The following IPMK variants were observed in gnomAD, a reference collection of about 807,000 sequenced individuals.
The protein encoded by IPMK is inositol 1,3,4,6-tetrakisphosphate 5-kinase.
A neutral mutation model predicts 45.8 loss-of-function variants in IPMK; 17 were observed. The observed-to-expected ratio is 0.37, with a 90% CI of 0.25 to 0.56. The LOEUF is 0.56. IPMK is among the 20% of genes least tolerant of loss of function. The probability of loss-of-function intolerance (pLI) is 0.79; values close to 1 mark genes in which losing one functional copy is unlikely to be tolerated. For synonymous variants in IPMK, 180 were observed against 184.3 expected, an observed-to-expected ratio of 0.98 and a Z score of 0.19; for missense variants, 399 against 498.0, an observed-to-expected ratio of 0.80 and a Z score of 1.89.
intron 3 of IPMK, among the ~76,000 whole-genome samples, chr10:58,218,149 T>C (rs1729884715): frequency 6.6e-6 from 1 of 152,202 alleles, no homozygotes; most frequent in Non-Finnish European, 1.5e-5. Context: ...AAAAAGTTAC[T>C]GCAGTCCAAG....
At chr10:58,239,142 C>T (rs1477292847) in intron 1 of IPMK, among the ~76,000 whole-genome samples, 2 of 151,926 alleles carry the variant, frequency 1.3e-5, no homozygotes, top group Admixed American at 6.6e-5. Context: ...GAGCGAGAGC[C>T]CCTCTCTAAA....
At chr10:58,201,611 C>A (rs763229224) in intron 4 of IPMK, among the ~76,000 whole-genome samples, 3 of 151,820 alleles carry the variant, frequency 2.0e-5, no homozygotes, top group Non-Finnish European at 4.4e-5. Flanking sequence ...AATTAGTAAC[C>A]CTCCAATTAA....
chr10:58,242,368 G>A (rs541149330), intron 1 of IPMK, among the ~76,000 whole-genome samples: 216 of 151,820 alleles, frequency 1.4e-3, no homozygotes, highest in African/African-American at 5.1e-3. Context: ...GCTGAGGCAG[G>A]AGAATGGCGT....
At chr10:58,217,156 C>CT (rs58314639) in intron 3 of IPMK, among the ~76,000 whole-genome samples, 4,347 of 102,834 alleles carry the variant, frequency 0.042, 145 homozygotes, top group Middle Eastern at 0.12. Context: ...GCCCATCTTG[C>CT]TTTTTTTTTT....
intron 4 of IPMK, among the ~76,000 whole-genome samples, chr10:58,207,437 T>C (rs1838087288): frequency 6.6e-6 from 1 of 152,250 alleles, no homozygotes; most frequent in Non-Finnish European, 1.5e-5. Context: ...GTGGGATTGC[T>C]AGATCGAATG....
At chr10:58,266,649 T>C (rs1377034787) in intron 1 of IPMK, among the ~76,000 whole-genome samples, 2 of 152,312 alleles carry the variant, frequency 1.3e-5, no homozygotes, top group East Asian at 1.9e-4. Context: ...AGGGAACCAC[T>C]ACGGGTAAAC....
chr10:58,196,586 A>G lies in IPMK; in HGVS notation c.741T>C (p.Asn247=), dbSNP rs755373508. 2.5e-6 allele frequency: 4 copies of G among 1,614,148 alleles called. No individual in the cohort carries two copies. The highest frequency in any genetic ancestry group is 3.4e-6 in the Non-Finnish European group (4 of 1,180,034). The change falls in exon 6 of 6, where the codon AAT becomes AAC. Residue 247 remains asparagine (N), a synonymous_variant. Coordinates refer to ENST00000373935, the MANE Select transcript of IPMK (RefSeq NM_152230.5). ...LQWFENQKQL[N]FYASSLLFVY... ...CAAAGAGTAATGAACTTGCGTAAAA[A>G]TTAAGCTGCTTCTGGTTTTCAAACC... is the stretch of plus-strand genomic sequence containing the variant.
intron 5 of IPMK, among the ~76,000 whole-genome samples, chr10:58,198,577 T>C (rs1373983437): frequency 6.6e-6 from 1 of 152,172 alleles, no homozygotes; most frequent in Non-Finnish European, 1.5e-5. Context: ...ATATATAAAA[T>C]AAGAATTCTT....
chr10:58,253,402 GAA>G (rs985695396), intron 1 of IPMK, among the ~76,000 whole-genome samples: 255 of 152,194 alleles, frequency 1.7e-3, no homozygotes, highest in African/African-American at 5.8e-3. Context: ...TGTTTGTCTG[GAA>G]ATGTCTTTAT....
chr10:58,212,691 C>A, intron 4 of IPMK: 1 of 248,284 alleles, frequency 4.0e-6, no homozygotes, highest in South Asian at 6.0e-5. Flanking sequence ...CAGCCTCTGT[C>A]GCAAAAGGTT....
intron 3 of IPMK, among the ~76,000 whole-genome samples, chr10:58,222,196 T>A (rs1233889698): frequency 6.6e-6 from 1 of 152,208 alleles, no homozygotes; most frequent in East Asian, 1.9e-4. Flanking sequence ...GATAGATGTG[T>A]TCTATCTGGA....
chr10:58,231,053 C>T (rs1838508762), intron 2 of IPMK, among the ~76,000 whole-genome samples: 1 of 152,204 alleles, frequency 6.6e-6, no homozygotes, highest in Admixed American at 6.5e-5. Context: ...ATACCCAATT[C>T]AATCAAGTGG....
At chr10:58,228,022 G>C (rs1463414414) in intron 2 of IPMK, among the ~76,000 whole-genome samples, 1 of 151,750 alleles carries the variant, frequency 6.6e-6, no homozygotes, top group Non-Finnish European at 1.5e-5. Context: ...CTCAAGTGTG[G>C]CAGACTCTTG....
intron 4 of IPMK, among the ~76,000 whole-genome samples, chr10:58,210,353 C>T (rs1313302832): frequency 1.3e-5 from 2 of 152,132 alleles, no homozygotes; most frequent in South Asian, 2.1e-4. Context: ...ATAAGCTTCC[C>T]CACTGAGAAA....
intron 5 of IPMK, 147 bp from the exon 6 acceptor site, chr10:58,196,845 G>A (rs559508446): frequency 7.8e-6 from 5 of 637,512 alleles, no homozygotes; most frequent in Non-Finnish European, 1.3e-5. Flanking sequence ...AAGAATTCTA[G>A]TCAGATATAG....
intron 1 of IPMK, among the ~76,000 whole-genome samples, chr10:58,250,290 A>G (rs1178076139): frequency 6.6e-6 from 1 of 152,206 alleles, no homozygotes; most frequent in Non-Finnish European, 1.5e-5. Context: ...ACATTTTAAT[A>G]TTAATTCTTC....
At chr10:58,196,743 A>G (rs1313720008) in intron 5 of IPMK, 45 bp from the exon 6 acceptor site, 5 of 1,325,106 alleles carry the variant, frequency 3.8e-6, no homozygotes, top group Non-Finnish European at 5.2e-6. Context: ...TTATGAAATA[A>G]CTATTATTTG....
In IPMK at chr10:58,195,978, C is replaced by T. The variant is rs1837886514; in HGVS notation, c.*98G>A. 8.7e-7 allele frequency: 1 copy of T among 1,151,652 alleles called. No individual in the cohort carries two copies. The highest frequency in any genetic ancestry group is 1.6e-5 in the African/African-American group (1 of 64,444). The allele number at this position is 1,151,652 out of a possible 1,614,324, so 71.3% of individuals were successfully genotyped here. On this transcript the variant is annotated 3_prime_UTR_variant, in exon 6 of 6. Transcript: ENST00000373935. Reference sequence around the variant, plus strand: ...TATAAAGACAAATAAAATGTCGACTCATAATACAAATTTTTTACATAGCAT... The same window carrying T: ...TATAAAGACAAATAAAATGTCGACTTATAATACAAATTTTTTACATAGCAT...
At chr10:58,267,312 G>T in intron 1 of IPMK, 110 bp downstream of exon 1, 1 of 1,038,764 alleles carries the variant, frequency 9.6e-7, no homozygotes, top group Non-Finnish European at 1.5e-6. Flanking sequence ...GATTTGGCGT[G>T]CACACCAGGG....
Sources: allele counts gnomAD v4.1 joint callset (sites outside exome capture counted in the v4.1 genomes callset), GRCh38; gene constraint gnomAD v4.1.1; transcripts MANE v1.5; gene names NCBI Gene and HGNC (gene_info 2026-07-23, HGNC 2026-07-21).